The following SLC6A15 variants were observed in gnomAD, a reference collection of about 807,000 sequenced individuals.
SLC6A15 encodes sodium-dependent neutral amino acid transporter B(0)AT2.
A neutral mutation model predicts 68.5 loss-of-function variants in SLC6A15; 33 were observed. The ratio of observed to expected loss-of-function variants is 0.48; its 90% confidence interval spans 0.37 to 0.64. The LOEUF (loss-of-function observed/expected upper bound fraction) is 0.64, where lower values mean the gene tolerates loss of function less well. SLC6A15 is among the 30% of genes least tolerant of loss of function. The probability of loss-of-function intolerance (pLI) is 0.00; values close to 1 mark genes in which losing one functional copy is unlikely to be tolerated. For synonymous variants in SLC6A15, 347 were observed against 301.0 expected (o/e 1.15, Z -1.58); for missense variants, 747 against 874.3 (o/e 0.85, Z 1.84).
chr12:84,889,356 G>A (rs1872273722), intron 2 of SLC6A15, among the ~76,000 whole-genome samples: 1 of 152,012 alleles, frequency 6.6e-6, no homozygotes, highest in African/African-American at 2.4e-5. Flanking sequence ...TGGGCGCGGT[G>A]GCGGGCGCCT....
chr12:84,906,926 GC>G (rs1873184672), intron 1 of SLC6A15, among the ~76,000 whole-genome samples: 2 of 151,642 alleles, frequency 1.3e-5, no homozygotes, highest in South Asian at 4.1e-4. Flanking sequence ...GATAAACTAG[GC>G]CCCAAAATTT....
chr12:84,905,129 T>A (rs1873078818), intron 1 of SLC6A15, among the ~76,000 whole-genome samples: 1 of 152,058 alleles, frequency 6.6e-6, no homozygotes, highest in South Asian at 2.1e-4. Flanking sequence ...AAACTACAGA[T>A]CAATATTCCT....
Position 84,883,951 on chromosome 12 carries a change from C to G in SLC6A15, c.664G>C (p.Gly222Arg). The G allele has an allele frequency of 6.2e-7, 1 of 1,614,198 alleles. No homozygotes were observed. Among genetic ancestry groups the G allele is most frequent in the Non-Finnish European group, 8.5e-7 (1 of 1,180,022 alleles). Residue 222 changes from glycine to arginine, a missense_variant, in exon 5 of 12, where the codon GGG becomes CGG. Gly to Arg is a moderately radical substitution (Grantham distance 125). Transcript: ENST00000266682. ...LNISSSISES[G>R]GLNWKMTICL... The stretch of plus-strand genomic sequence containing the variant: ...ATGGTCATCTTCCAGTTTAAGCCCC[C>G]ACTTTCAGAAATGGAACTTGAAATA...
intron 5 of SLC6A15, chr12:84,882,050 A>C: frequency 1.0e-6 from 1 of 985,102 alleles, no homozygotes; most frequent in Non-Finnish European, 1.2e-6. Flanking sequence ...ACATGACATG[A>C]GAAGAACAAC....
chr12:84,908,427 C>T lies in SLC6A15; in HGVS notation c.-189+4096G>A, dbSNP rs1368686236. On this transcript the variant is annotated intron_variant, in intron 1 of 11. Transcript: ENST00000266682. ...GAAACAACAACAAAAATCAGGGGGT[C>T]GTCAAAATACTCATTGACTTTTGTA... 4.0e-5 allele frequency among the ~76,000 whole-genome samples: 6 copies of T among 151,546 alleles called. No homozygotes were observed. The South Asian group carries it at 6.2e-4, about 16-fold the overall frequency.
At chr12:84,885,594 T>A (rs532921983) in intron 3 of SLC6A15, 33 bp from the exon 4 acceptor site, 196 of 1,577,626 alleles carry the variant, frequency 1.2e-4, no homozygotes, top group Non-Finnish European at 1.6e-4. Context: ...ATTAAACCTC[T>A]CATACCTCTT....
At chr12:84,897,927 G>C (rs1055583486) in intron 1 of SLC6A15, among the ~76,000 whole-genome samples, 1 of 152,132 alleles carries the variant, frequency 6.6e-6, no homozygotes, top group African/African-American at 2.4e-5. Flanking sequence ...TAGAAATTAT[G>C]TGCAGGGGAC....
At chr12:84,905,453 A>C (rs936805844) in intron 1 of SLC6A15, among the ~76,000 whole-genome samples, 2 of 152,216 alleles carry the variant, frequency 1.3e-5, no homozygotes, top group African/African-American at 4.8e-5. Context: ...TATTATATTT[A>C]CTGGTGAAAG....
At chr12:84,887,477 C>G (rs560121771) in intron 2 of SLC6A15, among the ~76,000 whole-genome samples, 1 of 152,102 alleles carries the variant, frequency 6.6e-6, no homozygotes, top group African/African-American at 2.4e-5. Flanking sequence ...TAATCTGAAC[C>G]TTTCTATGAC....
intron 10 of SLC6A15, 132 bp downstream of exon 10, chr12:84,866,902 G>T: frequency 1.3e-6 from 1 of 747,996 alleles, no homozygotes; most frequent in Non-Finnish European, 2.0e-6. Flanking sequence ...GTGAGAGCCT[G>T]CAAAAGGTTT....
intron 2 of SLC6A15, among the ~76,000 whole-genome samples, chr12:84,889,008 C>A (rs1022088610): frequency 1.3e-5 from 2 of 152,158 alleles, no homozygotes; most frequent in Non-Finnish European, 2.9e-5. Flanking sequence ...TCCCTTCTCC[C>A]TTGAAGATCC....
At chr12:84,882,922 ATTG>A (rs1425950643) in intron 5 of SLC6A15, 2 of 714,610 alleles carry the variant, frequency 2.8e-6, no homozygotes, top group African/African-American at 3.9e-5. Context: ...ATTTATTATT[ATTG>A]TTATTATGAC....
intron 2 of SLC6A15, among the ~76,000 whole-genome samples, chr12:84,888,904 C>G (rs950527497): frequency 4.6e-5 from 7 of 152,138 alleles, no homozygotes; most frequent in Non-Finnish European, 8.8e-5. Context: ...TGAAGCAAGT[C>G]ACAGACACAA....
intron 1 of SLC6A15, among the ~76,000 whole-genome samples, chr12:84,909,147 A>G (rs893476770): frequency 5.9e-5 from 9 of 152,180 alleles, no homozygotes; most frequent in Non-Finnish European, 1.3e-4. Context: ...CCAGCAATGC[A>G]TGAGAGTGCC....
At chr12:84,878,219 C>T (rs2120604437) in intron 5 of SLC6A15, among the ~76,000 whole-genome samples, 1 of 152,228 alleles carries the variant, frequency 6.6e-6, no homozygotes, top group Non-Finnish European at 1.5e-5. Flanking sequence ...TATATTTTAA[C>T]TTAATTGGTT....
At chr12:84,884,181 T>A in intron 4 of SLC6A15, 141 bp from the exon 5 acceptor site, 1 of 669,282 alleles carries the variant, frequency 1.5e-6, no homozygotes, top group Non-Finnish European at 2.5e-6. Flanking sequence ...AAATTCACAA[T>A]GAACAATAAA....
intron 1 of SLC6A15, among the ~76,000 whole-genome samples, chr12:84,908,603 T>TAC (rs1204024474): frequency 1.2e-4 from 6 of 48,924 alleles, no homozygotes; most frequent in African/African-American, 5.4e-4. Flanking sequence ...TAAAGAAACA[T>TAC]ATATATATAT....
At chr12:84,882,473 A>C in intron 5 of SLC6A15, 1 of 942,384 alleles carries the variant, frequency 1.1e-6, no homozygotes, top group Non-Finnish European at 1.3e-6. Context: ...ATGTAAAATC[A>C]GCTACAATTT....
Position 84,885,561 on chromosome 12 carries a change from C to T in SLC6A15, c.448G>A (p.Val150Met). The T allele has an allele frequency of 6.2e-7, 1 of 1,610,640 alleles. No individual in the cohort carries two copies. The highest frequency in any genetic ancestry group is 8.5e-7 in the Non-Finnish European group (1 of 1,178,624). ...LGGIGFASCV[V>M]CYFVALYYNV... The stretch of plus-strand genomic sequence containing the variant: ...TAGTAGAGAGCTACAAAATAGCACA[C>T]CTGCAAAATAAAATGATATCCCATT... Residue 150 changes from valine to methionine, a missense_variant and splice_region_variant, in exon 4 of 12, where the codon GTG becomes ATG. Coordinates refer to ENST00000266682, the MANE Select transcript of SLC6A15 (RefSeq NM_182767.6).
Sources: allele counts gnomAD v4.1 joint callset (sites outside exome capture counted in the v4.1 genomes callset), GRCh38; gene constraint gnomAD v4.1.1; transcripts MANE v1.5; gene names NCBI Gene and HGNC (gene_info 2026-07-23, HGNC 2026-07-21).